The following PDHB variants were observed in gnomAD, a reference collection of about 807,000 sequenced individuals.
PDHB encodes pyruvate dehydrogenase E1 subunit beta.
In PDHB, 17 loss-of-function variants were observed where a neutral mutation model predicts 42.8. The observed-to-expected ratio is 0.40, with a 90% CI of 0.27 to 0.60. The LOEUF (loss-of-function observed/expected upper bound fraction) is 0.60, where lower values mean the gene tolerates loss of function less well. Ranked by LOEUF, PDHB falls within the 20% of genes least tolerant of loss-of-function variation. PDHB has a pLI of 0.46. For synonymous variants in PDHB, 154 were observed against 148.7 expected (o/e 1.04, Z -0.26); for missense variants, 322 against 451.3 (o/e 0.71, Z 2.60).
At chr3:58,429,592 G>A in intron 8 of PDHB, 116 bp downstream of exon 8, 1 of 777,350 alleles carries the variant, frequency 1.3e-6, no homozygotes, top group Non-Finnish European at 2.3e-6. Flanking sequence ...AGCAGAGACA[G>A]AAATGAGTGA....
At chr3:58,432,810 G>A (rs2062930875) in intron 2 of PDHB, 1 of 152,454 alleles carries the variant, frequency 6.6e-6, no homozygotes, top group Non-Finnish European at 1.5e-5. Context: ...ACCAGCCTGG[G>A]CAATATGGTG....
At chr3:58,433,529 C>A (rs2062942226) in intron 2 of PDHB, 102 bp downstream of exon 2, 1 of 1,306,274 alleles carries the variant, frequency 7.7e-7, no homozygotes, top group South Asian at 1.3e-5. Flanking sequence ...ACCCAAGGCC[C>A]ACGGCGCCGG....
chr3:58,428,316 TAA>T, intron 9 of PDHB, 137 bp from the exon 10 acceptor site: 1 of 1,226,070 alleles, frequency 8.2e-7, no homozygotes, highest in Non-Finnish European at 1.2e-6. Context: ...GATTTGCTTT[TAA>T]AAATATCTGC....
At chr3:58,433,709 G>T (rs1268335295) in intron 1 of PDHB, 25 bp from the exon 2 acceptor site, 2 of 1,612,512 alleles carry the variant, frequency 1.2e-6, no homozygotes, top group East Asian at 4.5e-5. Context: ...GGAAGATGAC[G>T]GCGGGACGCA....
intron 7 of PDHB, 111 bp from the exon 8 acceptor site, chr3:58,429,910 A>T (rs761028060): frequency 5.1e-6 from 4 of 781,234 alleles, no homozygotes; most frequent in Non-Finnish European, 9.2e-6. Flanking sequence ...ATTCAACTTC[A>T]TTCCAGTGAG....
chr3:58,433,786 C>A lies in PDHB; in HGVS notation c.24G>T (p.Val8=), dbSNP rs776938446. The A allele has an allele frequency of 4.3e-6, 7 of 1,612,050 alleles. No homozygotes were observed. In the South Asian group the frequency reaches 7.7e-5, roughly 18 times the overall value. The change falls in exon 1 of 10, where the codon GTG becomes GTT. Residue 8 remains valine (V), a synonymous_variant. Transcript: ENST00000302746. The part of the protein sequence containing the change: MAAVSGL[V]RRPLREVSGL... ...TGCCTACCTCCCGAAGGGGTCTCCGCACCAAGCCAGACACCGCCGCCATCT... is the reference window on the plus strand; with the variant it reads ...TGCCTACCTCCCGAAGGGGTCTCCGAACCAAGCCAGACACCGCCGCCATCT...
chr3:58,431,179 T>C lies in PDHB; in HGVS notation c.304-237A>G, dbSNP rs7636609. Reference sequence around the variant, plus strand: ...CCTCAGCATCCCGAGTAGCTGGGACTGCAGGCAAGCACCACCACATCTACC... The same window carrying C: ...CCTCAGCATCCCGAGTAGCTGGGACCGCAGGCAAGCACCACCACATCTACC... On this transcript the variant is annotated intron_variant, in intron 5 of 9. Transcript: ENST00000302746. This position sits in a 1 kb window ranked among gnomAD's most constrained non-coding sequence, Gnocchi z 4.4. 0.036 allele frequency: 20,305 copies of C among 565,514 alleles called. 485 individuals carry two copies. The highest frequency in any genetic ancestry group is 0.05 in the Non-Finnish European group (16,047 of 318,336). The allele number at this position is 565,514 out of a possible 1,614,324, so 35.0% of individuals were successfully genotyped here.
At position 58,431,590 on chromosome 3, in the gene PDHB, T is replaced by A; in HGVS notation, c.303+3A>T. ...GATAAGTTTCATAAAGAGTATTACA[T>A]ACCATAGCTGCACCTACAGCAATTC... On this transcript the variant is annotated splice_donor_region_variant and intron_variant, in intron 5 of 9. Coordinates refer to ENST00000302746, the MANE Select transcript of PDHB (RefSeq NM_000925.4). The surrounding 1 kb of genome is among the most constrained non-coding windows in gnomAD (Gnocchi z 4.4). 1 of 1,597,940 alleles carries A rather than the reference T, an allele frequency of 6.3e-7. No homozygotes were observed. The highest frequency in any genetic ancestry group is 2.2e-4 in the Middle Eastern group (1 of 4,570).
rs746720442 is a variant in PDHB, at chr3:58,428,617, A to G, written c.793-3T>C. 6.2e-6 allele frequency: 10 copies of G among 1,609,426 alleles called. No individual in the cohort carries two copies. The highest frequency in any genetic ancestry group is 8.5e-6 in the Non-Finnish European group (10 of 1,175,838). On this transcript the variant is annotated splice_region_variant and splice_polypyrimidine_tract_variant and intron_variant, in intron 8 of 9. Transcript: ENST00000302746. ...CTAATGGTACGCATATTTATCACCT[A>G]AACAGGTAATATAATCAAGTTTACA...
rs750876078 is a variant in PDHB, at chr3:58,427,823, C to T, written c.*211G>A. 1.1e-5 allele frequency: 7 copies of T among 634,252 alleles called. No individual in the cohort carries two copies. Among genetic ancestry groups the T allele is most frequent in the Middle Eastern group, 4.1e-4 (1 of 2,448 alleles). The allele number at this position is 634,252 out of a possible 1,614,324, so 39.3% of individuals were successfully genotyped here. A position where few individuals can be genotyped will look rare whatever the true frequency, so the allele number is the denominator to read the frequency against. ...TTTGTTATTCAAAGAACATGGCAAC[C>T]GTAACAGACAAAAGGAAGCATGGCA... On this transcript the variant is annotated 3_prime_UTR_variant, in exon 10 of 10. Transcript: ENST00000302746.
chr3:58,429,850 T>C, intron 7 of PDHB, 51 bp from the exon 8 acceptor site: 1 of 1,057,096 alleles, frequency 9.5e-7, no homozygotes, highest in African/African-American at 1.6e-5. Flanking sequence ...CTGAAGATGC[T>C]ACACCACTGT....
chr3:58,431,461 T>C lies in PDHB; in HGVS notation c.303+132A>G, dbSNP rs976873283. On this transcript the variant is annotated intron_variant, in intron 5 of 9. Transcript: ENST00000302746. This position sits in a 1 kb window ranked among gnomAD's most constrained non-coding sequence, Gnocchi z 4.4. ...CACTATGGAGGCTGAGGCAGGAGAA[T>C]TGCTTGAACCTGGAAGCTGAGATGG... is the stretch of plus-strand genomic sequence containing the variant. 78 of 773,584 alleles carry C rather than the reference T, an allele frequency of 1.0e-4. No homozygotes were observed. In the Middle Eastern group the frequency reaches 1.1e-3, roughly 11 times the overall value. 47.9% of individuals were successfully genotyped at this position (773,584 alleles called of 1,614,324 possible).
intron 8 of PDHB, 198 bp from the exon 9 acceptor site, chr3:58,428,812 A>G (rs1191560335): frequency 6.6e-6 from 4 of 601,838 alleles, no homozygotes; most frequent in Non-Finnish European, 1.2e-5. Flanking sequence ...TATGTCTACC[A>G]CAAGCAGCTC....
At chr3:58,432,984 G>C (rs537608097) in intron 2 of PDHB, 1 of 152,462 alleles carries the variant, frequency 6.6e-6, no homozygotes, top group Non-Finnish European at 1.5e-5. Context: ...GGGTGACAGA[G>C]GGAGACTATC....
rs1430031575 is a variant in PDHB, at chr3:58,430,760, A to G, written c.486T>C (p.Phe162=). The part of the protein sequence containing the change: ...AGVAAQHSQC[F]AAWYGHCPGL... ...CTGGGCAGTGCCCATACCAGGCAGC[A>G]AAGCACTGTGAGTGCTGGGCAGCTA... is the stretch of plus-strand genomic sequence containing the variant. Residue 162 remains phenylalanine (F), a synonymous_variant, in exon 6 of 10, where the codon TTT becomes TTC. Transcript: ENST00000302746. 2 of 1,613,898 alleles carry G rather than the reference A, an allele frequency of 1.2e-6. No individual in the cohort carries two copies. Among genetic ancestry groups the G allele is most frequent in the African/African-American group, 2.7e-5 (2 of 74,952 alleles).
rs370791038 is a variant in PDHB, at chr3:58,433,612, G to A, written c.96+19C>T. The A allele has an allele frequency of 1.2e-6, 2 of 1,605,462 alleles. No homozygotes were observed. Among genetic ancestry groups the A allele is most frequent in the Non-Finnish European group, 8.5e-7 (1 of 1,177,282 alleles). On this transcript the variant is annotated intron_variant, in intron 2 of 9. Coordinates refer to ENST00000302746, the MANE Select transcript of PDHB (RefSeq NM_000925.4). The stretch of plus-strand genomic sequence containing the variant: ...GGGACCCTCCCCGCCCTCGTCCGAC[G>A]AGCACCCGCGCCTGTTACCTGCAGC...
Position 58,431,845 on chromosome 3 carries a change from A to C in PDHB, c.204+32T>G. On this transcript the variant is annotated intron_variant, in intron 3 of 9. Coordinates refer to ENST00000302746, the MANE Select transcript of PDHB (RefSeq NM_000925.4). This position sits in a 1 kb window ranked among gnomAD's most constrained non-coding sequence, Gnocchi z 4.4. ...TGTATCTGGGGGTAACAGTGACCTC[A>C]ATTTTGTATAACTTTCATATATTTT... 6.2e-7 allele frequency: 1 copy of C among 1,606,778 alleles called. No homozygotes were observed. The highest frequency in any genetic ancestry group is 8.5e-7 in the Non-Finnish European group (1 of 1,173,394).
intron 8 of PDHB, among the ~76,000 whole-genome samples, chr3:58,429,195 A>G (rs980908221): frequency 1.3e-5 from 2 of 152,218 alleles, no homozygotes; most frequent in Non-Finnish European, 2.9e-5. Flanking sequence ...CACTACACTA[A>G]GTGTAATTCT....
rs1576956647 is a variant in PDHB, at chr3:58,430,173, T to G, written c.655A>C (p.Lys219Gln). ...PFEFPPEAQS[K>Q]DFLIPIGKAK... is the part of the protein sequence containing the mutation. ...TTTCCAATAGGAATCAGAAAATCTT[T>G]TGACTGAGCTTCCGGAGGAAATTCA... Residue 219 changes from lysine to glutamine, a missense_variant, in exon 7 of 10, where the codon AAA becomes CAA. Coordinates refer to ENST00000302746, the MANE Select transcript of PDHB (RefSeq NM_000925.4). The G allele has an allele frequency of 3.1e-6, 5 of 1,613,094 alleles. No homozygotes were observed. The African/African-American group carries it at 4.0e-5, about 13-fold the overall frequency.
Sources: gnomAD v4.1 joint callset for allele counts (sites outside exome capture counted in the v4.1 genomes callset) on GRCh38, gnomAD v4.1.1 for gene constraint, Gnocchi (gnomAD v3.1) non-coding constraint, MANE v1.5 for transcripts, NCBI Gene and HGNC (gene_info 2026-07-23, HGNC 2026-07-21) for gene names.